KRR1: variants seen among roughly 807,000 people sequenced by gnomAD.
The protein encoded by KRR1 is KRR1 small subunit processome component, also known as KRR1 small subunit processome component homolog.
A neutral mutation model predicts 50.0 loss-of-function variants in KRR1; 23 were observed. That is an observed-to-expected ratio of 0.46 (90% confidence interval 0.33 to 0.65). The LOEUF (loss-of-function observed/expected upper bound fraction) is 0.65. KRR1 is among the 30% of genes least tolerant of loss of function. The pLI is 0.02. For synonymous variants in KRR1, 133 were observed against 146.3 expected, an observed-to-expected ratio of 0.91 and a Z score of 0.66; for missense variants, 419 against 442.4, an observed-to-expected ratio of 0.95 and a Z score of 0.47.
rs61933361 is a variant in KRR1, at chr12:75,496,096, C to T, written c.*3713G>A. 35,583 of 149,696 alleles carry T rather than the reference C, an allele frequency of 0.24. 4,482 individuals are homozygous for T. The highest frequency in any genetic ancestry group is 0.32 in the Middle Eastern group (95 of 294). The allele number at this position is 149,696 out of a possible 1,614,324, so 9.3% of individuals were successfully genotyped here. A position where few individuals can be genotyped will look rare whatever the true frequency, so the allele number is the denominator to read the frequency against. ...TCAGCTCACTGCAACCTCCATCTCA[C>T]GGGTTCAGGCGATCCTCCTGCCTCA... On this transcript the variant is annotated 3_prime_UTR_variant, in exon 10 of 10. Coordinates refer to ENST00000229214, the MANE Select transcript of KRR1 (RefSeq NM_007043.7).
chr12:75,499,503 T>C lies in KRR1; in HGVS notation c.*306A>G, dbSNP rs1487026016. ...GGGATAAACCTAAATATTTACTTGT[T>C]ATCATTAGAGAGGGAACATCAAATG... On this transcript the variant is annotated 3_prime_UTR_variant, in exon 10 of 10. Transcript: ENST00000229214. 3 of 177,982 alleles carry C rather than the reference T, an allele frequency of 1.7e-5. No homozygotes were observed. 11.0% of individuals were successfully genotyped at this position (177,982 alleles called of 1,614,324 possible).
chr12:75,511,461 A>G, intron 1 of KRR1, 52 bp downstream of exon 1: 1 of 1,497,918 alleles, frequency 6.7e-7, no homozygotes, highest in Non-Finnish European at 9.3e-7. Context: ...AGAAAAAAAC[A>G]TCGCAACTCA....
At chr12:75,505,305 T>C (rs2120619510) in intron 5 of KRR1, 51 bp from the exon 6 acceptor site, 2 of 1,530,576 alleles carry the variant, frequency 1.3e-6, no homozygotes, top group Non-Finnish European at 1.8e-6. Flanking sequence ...TAATGAGCTA[T>C]GGAGAAGAGG....
At chr12:75,511,168 C>T (rs1394866777) in intron 1 of KRR1, among the ~76,000 whole-genome samples, 1 of 152,236 alleles carries the variant, frequency 6.6e-6, no homozygotes, top group East Asian at 1.9e-4. Flanking sequence ...TCCCACCTCA[C>T]CCTATTCCTC....
At chr12:75,509,586 C>CTTT (rs895198427) in intron 1 of KRR1, among the ~76,000 whole-genome samples, 2 of 131,244 alleles carry the variant, frequency 1.5e-5, no homozygotes, top group Non-Finnish European at 1.6e-5. Context: ...ATACACATTT[C>CTTT]TTTTTTTTTT....
chr12:75,508,495 C>T (rs777229274), intron 1 of KRR1, 49 bp from the exon 2 acceptor site: 1 of 1,385,190 alleles, frequency 7.2e-7, no homozygotes, highest in Non-Finnish European at 1.0e-6. Context: ...GTCTTTTGGA[C>T]ATACACATCA....
rs976875293 is a variant in KRR1, at chr12:75,494,492, G to A, written c.*5317C>T. On this transcript the variant is annotated 3_prime_UTR_variant, in exon 10 of 10. Coordinates refer to ENST00000229214, the MANE Select transcript of KRR1 (RefSeq NM_007043.7). ...CACTGCATTGAAACTAATAGCCCCC[G>A]GTAGATCTTAATAGAGAAGCACATA... 2 of 151,960 alleles carry A rather than the reference G, an allele frequency of 1.3e-5. No homozygotes were observed. The highest frequency in any genetic ancestry group is 2.4e-5 in the African/African-American group (1 of 41,358). The allele number at this position is 151,960 out of a possible 1,614,324, so 9.4% of individuals were successfully genotyped here.
intron 9 of KRR1, chr12:75,500,528 T>A (rs941765348): frequency 1.3e-5 from 2 of 151,986 alleles, no homozygotes; most frequent in African/African-American, 4.8e-5. Context: ...TCATTGAATA[T>A]TAATTCAATG....
At chr12:75,511,082 G>A (rs909054302) in intron 1 of KRR1, among the ~76,000 whole-genome samples, 3 of 152,138 alleles carry the variant, frequency 2.0e-5, no homozygotes, top group Admixed American at 1.3e-4. Flanking sequence ...CTAGAGCTAA[G>A]GACATGTCGG....
chr12:75,499,070 A>C lies in KRR1; in HGVS notation c.*739T>G. 1 of 777,924 alleles carries C rather than the reference A, an allele frequency of 1.3e-6. No individual in the cohort carries two copies. Among genetic ancestry groups the C allele is most frequent in the Non-Finnish European group, 2.0e-6 (1 of 508,230 alleles). The allele number at this position is 777,924 out of a possible 1,614,324, so 48.2% of individuals were successfully genotyped here. On this transcript the variant is annotated 3_prime_UTR_variant, in exon 10 of 10. Transcript: ENST00000229214. The stretch of plus-strand genomic sequence containing the variant: ...AACAATTAGGTGTACTTCTATTTTA[A>C]AACATTTCAGAAAAAAATATATGTT...
At chr12:75,500,952 T>C (rs998544540) in intron 9 of KRR1, 3 of 152,032 alleles carry the variant, frequency 2.0e-5, no homozygotes, top group Non-Finnish European at 4.4e-5. Flanking sequence ...TAATCTACCA[T>C]AGAATGTAGT....
chr12:75,507,016 C>A, intron 2 of KRR1, 100 bp from the exon 3 acceptor site: 1 of 889,956 alleles, frequency 1.1e-6, no homozygotes, highest in South Asian at 2.1e-5. Context: ...TGTCACCTCT[C>A]AATTCCTATC....
chr12:75,510,882 T>C (rs140282422), intron 1 of KRR1, among the ~76,000 whole-genome samples: 2 of 152,332 alleles, frequency 1.3e-5, no homozygotes, highest in Admixed American at 1.3e-4. Context: ...TAAGCCTGGT[T>C]GAACAGATCC....
chr12:75,505,382 C>G, intron 5 of KRR1, 128 bp from the exon 6 acceptor site: 1 of 872,340 alleles, frequency 1.1e-6, no homozygotes, highest in Admixed American at 3.7e-5. Context: ...TTAAGTAGTT[C>G]CTTCAACTGC....
At position 75,498,725 on chromosome 12, in the gene KRR1, G is replaced by A. The variant is rs201806603; in HGVS notation, c.*1084C>T. 3 of 1,611,880 alleles carry A rather than the reference G, an allele frequency of 1.9e-6. No individual in the cohort carries two copies. Among genetic ancestry groups the A allele is most frequent in the Non-Finnish European group, 2.5e-6 (3 of 1,178,572 alleles). ...GACAGCGAGACCAAGTCAAACGTAC[G>A]TACATCAATCTTAAATTGTTTCATT... On this transcript the variant is annotated 3_prime_UTR_variant, in exon 10 of 10. Coordinates refer to ENST00000229214, the MANE Select transcript of KRR1 (RefSeq NM_007043.7).
intron 5 of KRR1, among the ~76,000 whole-genome samples, chr12:75,505,594 A>C (rs941143695): frequency 2.0e-5 from 3 of 151,082 alleles, no homozygotes; most frequent in Non-Finnish European, 4.4e-5. Context: ...CTCATTTGTA[A>C]TATAAGATAA....
In KRR1 at chr12:75,508,349, T is replaced by G. The variant is rs754850121; in HGVS notation, c.183A>C (p.Ala61=). The G allele has an allele frequency of 6.2e-7, 1 of 1,613,714 alleles. No individual in the cohort carries two copies. The highest frequency in any genetic ancestry group is 8.5e-7 in the Non-Finnish European group (1 of 1,179,778). ...PRGLLEESSF[A]TLFPKYREAY... The stretch of plus-strand genomic sequence containing the variant: ...CTTCCCTGTATTTTGGGAACAAAGT[T>G]GCGAAACTGCTCTCCTCCAAAAGTC... The change falls in exon 2 of 10, where the codon GCA becomes GCC. Residue 61 remains alanine (A), a synonymous_variant. Coordinates refer to ENST00000229214, the MANE Select transcript of KRR1 (RefSeq NM_007043.7).
At chr12:75,500,551 ATAGTATTTTAACAAGATTT>A (rs1269731769) in intron 9 of KRR1, 1 of 152,058 alleles carries the variant, frequency 6.6e-6, no homozygotes, top group African/African-American at 2.4e-5. Flanking sequence ...TGACTAATTA[ATAGTATTTTAACAAGATTT>A]TGGTATATTT....
intron 3 of KRR1, 73 bp from the exon 4 acceptor site, chr12:75,506,682 C>A: frequency 3.2e-6 from 5 of 1,549,176 alleles, no homozygotes; most frequent in Non-Finnish European, 4.3e-6. Context: ...TCCAGGCCCA[C>A]GCTATTGTTA....
Sources: gnomAD v4.1 joint callset for allele counts (sites outside exome capture counted in the v4.1 genomes callset) on GRCh38, gnomAD v4.1.1 for gene constraint, MANE v1.5 for transcripts, NCBI Gene and HGNC (gene_info 2026-07-23, HGNC 2026-07-21) for gene names.